The following NECAB2 variants were observed in gnomAD, a reference collection of about 807,000 sequenced individuals.
NECAB2 encodes N-terminal EF-hand calcium binding protein 2.
Under a neutral mutation model 51.9 loss-of-function variants are expected in NECAB2, and 68 were observed. The observed-to-expected ratio is 1.31, with a 90% CI of 1.08 to 1.60. The LOEUF is 1.60. NECAB2 is among the 40% of genes most tolerant of loss of function. NECAB2 has a pLI of 0.00. For synonymous variants in NECAB2, 329 were observed against 203.5 expected (o/e 1.62, Z -5.25); for missense variants, 854 against 490.3 (o/e 1.74, Z -7.00).
intron 10 of NECAB2, among the ~76,000 whole-genome samples, chr16:84,000,401 T>C (rs67889913): frequency 2.0e-5 from 3 of 151,962 alleles, no homozygotes; most frequent in East Asian, 3.9e-4. Flanking sequence ...AGTGGTGCAC[T>C]CCTCTAGTCC....
chr16:83,972,338 A>G (rs2084358824), intron 2 of NECAB2, among the ~76,000 whole-genome samples, 163 bp downstream of exon 2: 1 of 151,550 alleles, frequency 6.6e-6, no homozygotes. Context: ...CTGTGCCTTG[A>G]CCTCCCTGTC....
chr16:84,001,297 A>ATTGCTGATGC (rs2084828782), intron 11 of NECAB2, among the ~76,000 whole-genome samples: 1 of 151,534 alleles, frequency 6.6e-6, no homozygotes, highest in African/African-American at 2.4e-5. Context: ...GGTGGAGACT[A>ATTGCTGATGC]TTGCTGATGC....
chr16:83,998,326 G>T lies in NECAB2; in HGVS notation c.962+9G>T. ...GTGAGGAACTGCTTCCAGTGAGTGA[G>T]CTGCCGAGGCGTGGGTGGGATGGTG... is the stretch of plus-strand genomic sequence containing the variant. On this transcript the variant is annotated intron_variant, in intron 10 of 12. Transcript: ENST00000305202. 1 of 1,612,406 alleles carries T rather than the reference G, an allele frequency of 6.2e-7. No individual in the cohort carries two copies.
intron 5 of NECAB2, among the ~76,000 whole-genome samples, chr16:83,985,781 A>G (rs1173644997): frequency 6.6e-6 from 1 of 152,142 alleles, no homozygotes; most frequent in Non-Finnish European, 1.5e-5. Context: ...ATGACCAGAA[A>G]GGTTTCTACT....
chr16:84,001,990 T>C lies in NECAB2; in HGVS notation c.1132+74T>C, dbSNP rs987510774. ...GGGCAAGAGCCTAGAGGCTGCCCCA[T>C]ATCTCCCGGGGACTTGCCTGCTTGC... On this transcript the variant is annotated intron_variant, in intron 12 of 12. Coordinates refer to ENST00000305202, the MANE Select transcript of NECAB2 (RefSeq NM_019065.3). The C allele has an allele frequency of 2.3e-5, 34 of 1,491,498 alleles. No homozygotes were observed. The African/African-American group carries it at 4.5e-4, about 20-fold the overall frequency. 92.4% of individuals were successfully genotyped at this position (1,491,498 alleles called of 1,614,324 possible).
At chr16:83,992,828 C>G (rs1208665875) in intron 6 of NECAB2, among the ~76,000 whole-genome samples, 1 of 152,148 alleles carries the variant, frequency 6.6e-6, no homozygotes, top group East Asian at 1.9e-4. Context: ...CTTGGGTGCC[C>G]CAGAATTAGC....
chr16:84,001,034 G>GC (rs1453033993), intron 11 of NECAB2, among the ~76,000 whole-genome samples: 3 of 152,100 alleles, frequency 2.0e-5, no homozygotes, highest in African/African-American at 7.2e-5. Flanking sequence ...TTTCCCCAGG[G>GC]TTGCTTCTGT....
At chr16:83,994,512 G>GTT in intron 7 of NECAB2, 92 bp downstream of exon 7, 6 of 1,596,970 alleles carry the variant, frequency 3.8e-6, no homozygotes, top group Non-Finnish European at 5.1e-6. Flanking sequence ...AGATGAGCAA[G>GTT]TTTGATGCCC....
chr16:83,997,313 C>A, intron 9 of NECAB2, 44 bp downstream of exon 9: 1 of 1,611,924 alleles, frequency 6.2e-7, no homozygotes, highest in Non-Finnish European at 8.5e-7. Flanking sequence ...CATCCCTACC[C>A]ATGCCAGGAC....
chr16:83,972,083 G>A (rs1476937548), intron 1 of NECAB2, 68 bp from the exon 2 acceptor site: 15 of 1,596,634 alleles, frequency 9.4e-6, no homozygotes, highest in African/African-American at 2.7e-5. Flanking sequence ...CCCAGTATCC[G>A]GTCAGAGGCT....
upstream of NECAB2, chr16:83,965,456 C>T: frequency 1.2e-6 from 2 of 1,600,128 alleles, no homozygotes; most frequent in East Asian, 2.2e-5. Flanking sequence ...TGGCGCGGGG[C>T]TGTCAGCGGC....
At chr16:83,968,204 C>T (rs1489986652), upstream of NECAB2, among the ~76,000 whole-genome samples, 1 of 151,392 alleles carries the variant, frequency 6.6e-6, no homozygotes, top group Non-Finnish European at 1.5e-5. Flanking sequence ...CTGGAGCCGG[C>T]AGAGGGCGCT....
chr16:83,969,526 C>A (rs1015584671), intron 1 of NECAB2, among the ~76,000 whole-genome samples: 2 of 151,810 alleles, frequency 1.3e-5, no homozygotes, highest in African/African-American at 4.8e-5. Context: ...CACCCCTCTA[C>A]CCTACAGAGA....
chr16:83,999,658 C>T (rs1451185818), intron 10 of NECAB2, among the ~76,000 whole-genome samples: 1 of 152,116 alleles, frequency 6.6e-6, no homozygotes, highest in Non-Finnish European at 1.5e-5. Flanking sequence ...TCTGGGGCGG[C>T]ATAGACTATC....
intron 6 of NECAB2, chr16:83,993,620 CTGTGTG>C (rs57610964): frequency 0.072 from 9,696 of 135,358 alleles, 369 homozygotes; most frequent in Middle Eastern, 0.077. Context: ...GCAAGGTGAG[CTGTGTG>C]TGTGTGTGTG....
chr16:83,980,720 G>A (rs572833398), intron 3 of NECAB2, 119 bp from the exon 4 acceptor site: 29 of 1,357,398 alleles, frequency 2.1e-5, no homozygotes, highest in Non-Finnish European at 2.9e-5. Flanking sequence ...CGGAGCTTGT[G>A]GGGCCAGCAC....
In NECAB2 at chr16:83,994,334, C is replaced by T. The variant is rs367651817; in HGVS notation, c.629C>T (p.Ala210Val). Residue 210 changes from alanine to valine, a missense_variant, in exon 7 of 13, where the codon GCA (alanine) becomes GTA (valine). Ala to Val is a moderately conservative substitution (Grantham distance 64, BLOSUM62 0). Transcript: ENST00000305202. ...QNHIKPSHSA[A>V]QTWCGSPTPA... ...CACATCAAACCCAGCCACAGCGCGG[C>T]ACAGACCTGGTGTGGAAGCCCCACT... The T allele has an allele frequency of 1.9e-5, 31 of 1,614,094 alleles. No individual in the cohort carries two copies. In the African/African-American group the frequency reaches 2.9e-4, roughly 15 times the overall value.
chr16:84,002,624 C>A lies in NECAB2; in HGVS notation c.*278C>A, dbSNP rs1280954495. On this transcript the variant is annotated 3_prime_UTR_variant, in exon 13 of 13. Transcript: ENST00000305202. The stretch of plus-strand genomic sequence containing the variant: ...CCTCCTGGTCCTGGCCTCTCCCCTA[C>A]CCCTCACATGGCCACGCATGACCCA... 7.3e-6 allele frequency: 4 copies of A among 550,124 alleles called. No individual in the cohort carries two copies. The allele number at this position is 550,124 out of a possible 1,614,324, so 34.1% of individuals were successfully genotyped here.
chr16:83,994,386 C>A lies in NECAB2; in HGVS notation c.681C>A (p.Leu227=), dbSNP rs367851399. ...CCGCCTCTGCCCCCAACCACAAGCT[C>A]ATGGCTATGGAACAAGGCAAGACCC... ...PTPASAPNHK[L]MAMEQGKTLP... Residue 227 remains leucine (L), a synonymous_variant, in exon 7 of 13, where the codon CTC becomes CTA. Transcript: ENST00000305202. The A allele has an allele frequency of 2.0e-5, 33 of 1,614,072 alleles. No individual in the cohort carries two copies. Among genetic ancestry groups the A allele is most frequent in the African/African-American group, 2.7e-5 (2 of 74,928 alleles).
Sources: allele counts gnomAD v4.1 joint callset (sites outside exome capture counted in the v4.1 genomes callset), GRCh38; gene constraint gnomAD v4.1.1; transcripts MANE v1.5; gene names NCBI Gene and HGNC (gene_info 2026-07-23, HGNC 2026-07-21).